DBH: variants seen among roughly 807,000 people sequenced by gnomAD.
The protein encoded by DBH is dopamine beta-hydroxylase.
DBH carries 49 observed loss-of-function variants against 64.0 expected under a neutral mutation model. The observed-to-expected ratio is 0.77, with a 90% CI of 0.61 to 0.97. The LOEUF (loss-of-function observed/expected upper bound fraction) is 0.97. Ranked by LOEUF, DBH falls within the 50% of genes least tolerant of loss-of-function variation. DBH has a pLI of 0.00. For synonymous variants in DBH, 343 were observed against 347.1 expected, an observed-to-expected ratio of 0.99 and a Z score of 0.13; for missense variants, 828 against 826.6, an observed-to-expected ratio of 1.00 and a Z score of -0.02.
intron 1 of DBH, 110 bp from the exon 2 acceptor site, chr9:133,639,736 C>T: frequency 8.0e-7 from 1 of 1,248,258 alleles, no homozygotes; most frequent in Non-Finnish European, 1.1e-6. Context: ...CCCAGCATCC[C>T]CAGATCAGCT....
rs1254093412 is a variant in DBH, at chr9:133,659,147, G to C, written c.*700G>C. ...TTAGCACCAGCTTGCTTCTCTGCCG[G>C]TGGGGCCAGCGCTGAACAGACCGGG... is the stretch of plus-strand genomic sequence containing the variant. On this transcript the variant is annotated 3_prime_UTR_variant, in exon 12 of 12. Transcript: ENST00000393056. 6.6e-6 allele frequency: 1 copy of C among 152,260 alleles called. No homozygotes were observed. Among genetic ancestry groups the C allele is most frequent in the Non-Finnish European group, 1.5e-5 (1 of 68,060 alleles). The allele number at this position is 152,260 out of a possible 1,614,324, so 9.4% of individuals were successfully genotyped here.
At chr9:133,652,130 CA>C in intron 7 of DBH, 115 bp from the exon 8 acceptor site, 1 of 1,215,338 alleles carries the variant, frequency 8.2e-7, no homozygotes. Context: ...GAGGCTGGGG[CA>C]AAATGGACAC....
chr9:133,656,433 C>T lies in DBH; in HGVS notation c.1435-90C>T, dbSNP rs891610045. On this transcript the variant is annotated intron_variant, in intron 9 of 11. Transcript: ENST00000393056. ...ACGGTGCAGTGAACAGACGAGTGGA[C>T]GCAGTGTACACGTGGGTGCGGCGAA... is the stretch of plus-strand genomic sequence containing the variant. 275 of 1,565,230 alleles carry T rather than the reference C, an allele frequency of 1.8e-4. 1 individual carries two copies. Among genetic ancestry groups the T allele is most frequent in the East Asian group, 4.9e-4 (22 of 44,458 alleles).
chr9:133,658,660 A>T lies in DBH; in HGVS notation c.*213A>T, dbSNP rs578112069. The T allele has an allele frequency of 2.0e-6, 1 of 507,824 alleles. No individual in the cohort carries two copies. Among genetic ancestry groups the T allele is most frequent in the African/African-American group, 1.9e-5 (1 of 51,412 alleles). The allele number at this position is 507,824 out of a possible 1,614,324, so 31.5% of individuals were successfully genotyped here. A position where few individuals can be genotyped will look rare whatever the true frequency, so the allele number is the denominator to read the frequency against. On this transcript the variant is annotated 3_prime_UTR_variant, in exon 12 of 12. Coordinates refer to ENST00000393056, the MANE Select transcript of DBH (RefSeq NM_000787.4). ...GAGGGTGTGGGTGCCCTGTTGACCTACCCTGGACCGAGTGGACCACGACCT... is the reference window on the plus strand; with the variant it reads ...GAGGGTGTGGGTGCCCTGTTGACCTTCCCTGGACCGAGTGGACCACGACCT...
chr9:133,643,461 G>A lies in DBH; in HGVS notation c.793G>A (p.Glu265Lys). The change falls in exon 4 of 12, where the codon GAA (glutamate) becomes AAA (lysine). Residue 265 changes from glutamate (E) to lysine (K), a missense_variant. By Grantham distance (56) the Glu-to-Lys change is moderately conservative (BLOSUM62 1). Coordinates refer to ENST00000393056, the MANE Select transcript of DBH (RefSeq NM_000787.4). This position sits in a 1 kb window ranked among gnomAD's most constrained non-coding sequence, Gnocchi z 5.3. The part of the protein sequence containing the change: ...KGNEALVHHM[E>K]VFQCAPEMDS... ...CAATGAGGCCCTTGTCCACCACATG[G>A]AAGTCTTCCAGTGCGCCCCCGAGAT... 1 of 1,612,752 alleles carries A rather than the reference G, an allele frequency of 6.2e-7. No individual in the cohort carries two copies. The highest frequency in any genetic ancestry group is 8.5e-7 in the Non-Finnish European group (1 of 1,179,602).
intron 10 of DBH, 133 bp downstream of exon 10, chr9:133,656,783 A>C (rs1588354931): frequency 8.5e-7 from 1 of 1,180,266 alleles, no homozygotes; most frequent in Non-Finnish European, 1.2e-6. Flanking sequence ...GGCATCACTC[A>C]CCCCTCCCCT....
At position 133,643,149 on chromosome 9, in the gene DBH, C is replaced by A. The variant is rs987585750; in HGVS notation, c.745-264C>A. 2.0e-5 allele frequency among the ~76,000 whole-genome samples: 3 copies of A among 151,732 alleles called. No homozygotes were observed. The highest frequency in any genetic ancestry group is 4.2e-4 in the South Asian group (2 of 4,810). On this transcript the variant is annotated intron_variant, in intron 3 of 11. Coordinates refer to ENST00000393056, the MANE Select transcript of DBH (RefSeq NM_000787.4). This position sits in a 1 kb window ranked among gnomAD's most constrained non-coding sequence, Gnocchi z 5.3. ...GCTGCAGGAGCTGGCCCGGCCACAG[C>A]CCCATATGCATGAGGACGGCTGCGT...
chr9:133,656,058 C>T (rs925350865), intron 9 of DBH: 23 of 294,912 alleles, frequency 7.8e-5, no homozygotes, highest in Non-Finnish European at 1.4e-4. Context: ...GTGGACGGTG[C>T]GGGGCTGCAG....
rs147236860 is a variant in DBH, at chr9:133,649,411, G to A, written c.1191+1399G>A. On this transcript the variant is annotated intron_variant, in intron 6 of 11. Transcript: ENST00000393056. Reference sequence around the variant, plus strand: ...CTGGGATCACACTGCCAGCAGTCACGCAGAGTGAAGATTCAAATACCAGTC... The same window carrying A: ...CTGGGATCACACTGCCAGCAGTCACACAGAGTGAAGATTCAAATACCAGTC... Among the ~76,000 whole-genome samples the A allele has an allele frequency of 3.3e-5, 5 of 152,330 alleles. No individual in the cohort carries two copies. The East Asian group carries it at 9.6e-4, about 29-fold the overall frequency.
At chr9:133,653,103 T>G in intron 9 of DBH, 104 bp downstream of exon 9, 1 of 887,902 alleles carries the variant, frequency 1.1e-6, no homozygotes, top group South Asian at 1.3e-5. Flanking sequence ...GGGCATGGGC[T>G]CGTCCCCTCA....
rs776261734 is a variant in DBH at position 133,642,305 on chromosome 9, G to A, written c.585G>A (p.Val195=). ...GCCTGCAGATGGGGCTGCAGAGGGT[G>A]CAGCTCCTGAAGCCCAATATCCCCG... ...GSGLQMGLQR[V]QLLKPNIPEP... Residue 195 remains valine, a synonymous_variant, in exon 3 of 12, where the codon GTG becomes GTA. Coordinates refer to ENST00000393056, the MANE Select transcript of DBH (RefSeq NM_000787.4). The A allele has an allele frequency of 2.5e-6, 4 of 1,614,022 alleles. No homozygotes were observed. Among genetic ancestry groups the A allele is most frequent in the Admixed American group, 1.7e-5 (1 of 60,006 alleles).
At chr9:133,657,442 G>GA (rs1564215822) in intron 11 of DBH, 2 of 506,932 alleles carry the variant, frequency 3.9e-6, no homozygotes, top group Non-Finnish European at 6.9e-6. Flanking sequence ...AGGAGAGAGA[G>GA]GAGAGAGAGG....
intron 6 of DBH, among the ~76,000 whole-genome samples, chr9:133,650,499 CCTTT>C (rs753279599): frequency 5.7e-4 from 75 of 130,928 alleles, no homozygotes; most frequent in South Asian, 2.0e-3. Flanking sequence ...TCTTTTCTTT[CCTTT>C]CTTTCTTTCC....
In DBH at chr9:133,636,691, G is replaced by C; in HGVS notation, c.320G>C (p.Gly107Ala). Residue 107 changes from glycine (G) to alanine (A), a missense_variant, in exon 1 of 12, where the codon GGG (glycine) becomes GCG (alanine). Physicochemically the swap from Gly to Ala is moderately conservative, Grantham distance 60. Transcript: ENST00000393056. ...NADLVVLWTD[G>A]DTAYFADAWS... ...GATCTCGTGGTGCTCTGGACCGATG[G>C]GGACACTGCCTATTTTGCGGTGAGT... 1 of 1,604,228 alleles carries C rather than the reference G, an allele frequency of 6.2e-7. No homozygotes were observed. The highest frequency in any genetic ancestry group is 8.5e-7 in the Non-Finnish European group (1 of 1,179,930).
intron 6 of DBH, 127 bp downstream of exon 6, chr9:133,648,139 G>A: frequency 8.9e-7 from 1 of 1,120,930 alleles, no homozygotes; most frequent in Non-Finnish European, 1.3e-6. Flanking sequence ...GAATCCCCCT[G>A]CGGTCCTCCC....
chr9:133,651,680 C>T lies in DBH; in HGVS notation c.1238C>T (p.Thr413Ile), dbSNP rs775574103. Residue 413 changes from threonine to isoleucine, a missense_variant, in exon 7 of 12, where the codon ACA becomes ATA. Transcript: ENST00000393056. ...GIHIFASQLHTHLTGRKVVTV... is the reference protein window; with the variant it reads ...GIHIFASQLHIHLTGRKVVTV... ...CACATCTTCGCCTCTCAGCTCCACA[C>T]ACACCTGACTGGGAGAAAGGTGGTC... The T allele has an allele frequency of 1.2e-6, 2 of 1,613,954 alleles. No homozygotes were observed. The highest frequency in any genetic ancestry group is 8.5e-7 in the Non-Finnish European group (1 of 1,180,012).
chr9:133,655,636 G>C (rs1832307431), intron 9 of DBH: 1 of 152,454 alleles, frequency 6.6e-6, no homozygotes, highest in East Asian at 1.9e-4. Flanking sequence ...ATAGAGTAAA[G>C]ATTGCCTTTC....
intron 6 of DBH, 37 bp from the exon 7 acceptor site, chr9:133,651,597 G>T: frequency 6.2e-7 from 1 of 1,611,886 alleles, no homozygotes; most frequent in Non-Finnish European, 8.5e-7. Flanking sequence ...TCCCCTCGGG[G>T]GTCAGGCCCT....
chr9:133,648,935 G>T (rs943765153), intron 6 of DBH, among the ~76,000 whole-genome samples: 2 of 152,242 alleles, frequency 1.3e-5, no homozygotes, highest in African/African-American at 4.8e-5. Flanking sequence ...TGAAATTGCT[G>T]CTCAGAGATG....
Sources: allele counts gnomAD v4.1 joint callset (sites outside exome capture counted in the v4.1 genomes callset), GRCh38; gene constraint gnomAD v4.1.1; non-coding constraint Gnocchi (gnomAD v3.1); transcripts MANE v1.5; gene names NCBI Gene and HGNC (gene_info 2026-07-23, HGNC 2026-07-21).